Variants in GCSH observed in about 807,000 individuals in gnomAD.
The protein encoded by GCSH is glycine cleavage system protein H.
In GCSH, 15 loss-of-function variants were observed where a neutral mutation model predicts 21.3. The observed-to-expected ratio is 0.70, with a 90% CI of 0.47 to 1.08. The LOEUF is 1.08. Ranked by LOEUF, GCSH falls within the 50% of genes least tolerant of loss-of-function variation. The probability of loss-of-function intolerance (pLI) is 0.00; values close to 1 mark genes in which losing one functional copy is unlikely to be tolerated. For missense variants in GCSH, 179 were observed against 217.5 expected (o/e 0.82, Z 1.11); for synonymous variants, 59 against 84.5 (o/e 0.70, Z 1.66).
Position 81,090,624 on chromosome 16 carries a change from C to G in GCSH, c.205G>C (p.Val69Leu). The change falls in exon 2 of 5, where the codon GTG becomes CTG. Residue 69 changes from valine to leucine, a missense_variant. Physicochemically the swap from Val to Leu is conservative, Grantham distance 32. Coordinates refer to ENST00000315467, the MANE Select transcript of GCSH (RefSeq NM_004483.5). ...ACCTGTGCAAAATTGCTGATTCCCA[C>G]TGTTCCAATGCCATTTTCTGTTGTT... Reference protein sequence around the residue: ...WVTTENGIGTVGISNFAQEAL... With the variant: ...WVTTENGIGTLGISNFAQEAL... 1 of 1,611,250 alleles carries G rather than the reference C, an allele frequency of 6.2e-7. No homozygotes were observed. Among genetic ancestry groups the G allele is most frequent in the South Asian group, 1.1e-5 (1 of 91,008 alleles).
intron 1 of GCSH, among the ~76,000 whole-genome samples, chr16:81,092,048 G>T (rs1972409148): frequency 6.6e-6 from 1 of 152,092 alleles, no homozygotes; most frequent in Admixed American, 6.6e-5. Flanking sequence ...CCACTTCAAA[G>T]AACTGAATGT....
chr16:81,083,006 A>G (rs995675191), intron 4 of GCSH, 43 bp from the exon 5 acceptor site: 4 of 1,216,736 alleles, frequency 3.3e-6, no homozygotes, highest in Admixed American at 3.4e-5. Context: ...TAACTTTTTA[A>G]AAAGTCAAAT....
intron 2 of GCSH, among the ~76,000 whole-genome samples, chr16:81,089,869 G>C (rs539891226): frequency 8.4e-4 from 128 of 152,040 alleles, no homozygotes; most frequent in Admixed American, 8.5e-4. Flanking sequence ...CGTCCTCCTG[G>C]TCACGTGTGT....
At chr16:81,095,773 G>C (rs1054115447) in intron 1 of GCSH, among the ~76,000 whole-genome samples, 1 of 150,994 alleles carries the variant, frequency 6.6e-6, no homozygotes, top group African/African-American at 2.4e-5. Flanking sequence ...ACGCAGATGG[G>C]AGATAAACTT....
chr16:81,090,814 G>A, intron 1 of GCSH, 134 bp from the exon 2 acceptor site: 2 of 718,514 alleles, frequency 2.8e-6, no homozygotes, highest in Non-Finnish European at 5.1e-6. Flanking sequence ...AATAGTGCAT[G>A]GCTCAGGAAA....
chr16:81,084,637 T>G, intron 3 of GCSH, 43 bp from the exon 4 acceptor site: 1 of 1,474,446 alleles, frequency 6.8e-7, no homozygotes, highest in Non-Finnish European at 9.4e-7. Flanking sequence ...ATGTTAAAAG[T>G]CAGTTACTTG....
chr16:81,095,337 A>C (rs1047951655), intron 1 of GCSH, among the ~76,000 whole-genome samples: 1 of 149,258 alleles, frequency 6.7e-6, no homozygotes, highest in African/African-American at 2.5e-5. Context: ...CAAAGTTATG[A>C]TTGTTTTATC....
At chr16:81,083,097 C>A (rs1172938903) in intron 4 of GCSH, 134 bp from the exon 5 acceptor site, 1 of 717,784 alleles carries the variant, frequency 1.4e-6, no homozygotes, top group African/African-American at 1.8e-5. Context: ...GTTCATAGAA[C>A]TTTAAATTTT....
At chr16:81,092,759 A>C (rs1972422447) in intron 1 of GCSH, among the ~76,000 whole-genome samples, 1 of 151,954 alleles carries the variant, frequency 6.6e-6, no homozygotes, top group Non-Finnish European at 1.5e-5. Context: ...AACAAACAAA[A>C]AAAATCCCTG....
At chr16:81,093,117 C>A (rs1267774792) in intron 1 of GCSH, among the ~76,000 whole-genome samples, 2 of 143,684 alleles carry the variant, frequency 1.4e-5, no homozygotes, top group Non-Finnish European at 3.0e-5. Context: ...AGCGAAACTT[C>A]ATCTCCAAAA....
At chr16:81,087,075 C>CT (rs533808402) in intron 3 of GCSH, among the ~76,000 whole-genome samples, 195 of 151,880 alleles carry the variant, frequency 1.3e-3, no homozygotes, top group African/African-American at 4.4e-3. Context: ...TTTTTTCTCT[C>CT]TTTTTTTTAA....
In GCSH at chr16:81,082,095, C is replaced by T. The variant is rs982862069; in HGVS notation, c.*771G>A. On this transcript the variant is annotated 3_prime_UTR_variant, in exon 5 of 5. Coordinates refer to ENST00000315467, the MANE Select transcript of GCSH (RefSeq NM_004483.5). Reference sequence around the variant, plus strand: ...TCTTTCCTCTTCTTTCTTCAGACCTCGCATGATAGAAAATCAAAGTTGGTG... The same window carrying T: ...TCTTTCCTCTTCTTTCTTCAGACCTTGCATGATAGAAAATCAAAGTTGGTG... 7 of 454,056 alleles carry T rather than the reference C, an allele frequency of 1.5e-5. No individual in the cohort carries two copies. Among genetic ancestry groups the T allele is most frequent in the East Asian group, 1.4e-4 (2 of 14,402 alleles). The allele number at this position is 454,056 out of a possible 1,614,324, so 28.1% of individuals were successfully genotyped here.
intron 4 of GCSH, 71 bp from the exon 5 acceptor site, chr16:81,083,034 T>A: frequency 1.1e-6 from 1 of 942,626 alleles, no homozygotes; most frequent in Non-Finnish European, 1.8e-6. Context: ...AAACGTAAAA[T>A]AAATTTCTGA....
intron 3 of GCSH, among the ~76,000 whole-genome samples, 188 bp downstream of exon 3, chr16:81,087,413 G>A (rs1295859661): frequency 6.6e-6 from 1 of 151,448 alleles, no homozygotes; most frequent in Non-Finnish European, 1.5e-5. Flanking sequence ...CACAAGAATC[G>A]CTTTAACCCA....
At position 81,082,013 on chromosome 16, in the gene GCSH, G is replaced by T. The variant is rs1972173450; in HGVS notation, c.*853C>A. ...TGACTTAAGTGGAAACCTGAACGTG[G>T]TTTAACAACTTAAAAACACCATGTG... On this transcript the variant is annotated 3_prime_UTR_variant, in exon 5 of 5. Coordinates refer to ENST00000315467, the MANE Select transcript of GCSH (RefSeq NM_004483.5). 1 of 451,328 alleles carries T rather than the reference G, an allele frequency of 2.2e-6. No homozygotes were observed. Among genetic ancestry groups the T allele is most frequent in the South Asian group, 1.6e-5 (1 of 64,360 alleles). The allele number at this position is 451,328 out of a possible 1,614,324, so 28.0% of individuals were successfully genotyped here.
chr16:81,085,309 G>A (rs754050431), intron 3 of GCSH, among the ~76,000 whole-genome samples: 4 of 152,226 alleles, frequency 2.6e-5, no homozygotes, highest in Non-Finnish European at 4.4e-5. Context: ...CACCGTGCCT[G>A]GCCTACATTT....
chr16:81,091,812 G>A (rs1371889645), intron 1 of GCSH, among the ~76,000 whole-genome samples: 1 of 151,886 alleles, frequency 6.6e-6, no homozygotes, highest in Non-Finnish European at 1.5e-5. Flanking sequence ...TGTAGAGATG[G>A]GGGGGTCTAT....
At chr16:81,088,438 G>A (rs1972328038) in intron 2 of GCSH, among the ~76,000 whole-genome samples, 3 of 152,020 alleles carry the variant, frequency 2.0e-5, no homozygotes. Context: ...CTCTCTTGTT[G>A]CCCAGGCTGG....
intron 1 of GCSH, among the ~76,000 whole-genome samples, chr16:81,093,710 G>A (rs769457816): frequency 2.6e-5 from 4 of 151,574 alleles, no homozygotes; most frequent in Non-Finnish European, 5.9e-5. Flanking sequence ...GTATGGTGGC[G>A]GGCACCTATA....
Sources: allele counts gnomAD v4.1 joint callset (sites outside exome capture counted in the v4.1 genomes callset), GRCh38; gene constraint gnomAD v4.1.1; transcripts MANE v1.5; gene names NCBI Gene and HGNC (gene_info 2026-07-23, HGNC 2026-07-21).